WDR43: variants seen among roughly 807,000 people sequenced by gnomAD.
WDR43 encodes the protein WD repeat-containing protein 43.
In WDR43, 13 loss-of-function variants were observed where a neutral mutation model predicts 91.4. The ratio of observed to expected loss-of-function variants is 0.14; its 90% CI spans 0.09 to 0.23. WDR43 has a LOEUF of 0.23. WDR43 is among the 10% of genes least tolerant of loss of function. WDR43 has a pLI of 1.00. For missense variants in WDR43, 780 were observed against 809.4 expected, an observed-to-expected ratio of 0.96 and a Z score of 0.44; for synonymous variants, 331 against 287.9, an observed-to-expected ratio of 1.15 and a Z score of -1.51.
chr2:28,897,314 T>G (rs1255234302), intron 1 of WDR43, among the ~76,000 whole-genome samples: 3 of 152,184 alleles, frequency 2.0e-5, no homozygotes, highest in Non-Finnish European at 4.4e-5. Flanking sequence ...CATGTTAAGG[T>G]GCTCTCATCT....
At chr2:28,939,485 C>T (rs78111265) in intron 14 of WDR43, among the ~76,000 whole-genome samples, 1 of 152,268 alleles carries the variant, frequency 6.6e-6, no homozygotes, top group East Asian at 1.9e-4. Context: ...GCCCCTCAGC[C>T]CGTAGCAGTT....
intron 15 of WDR43, 104 bp from the exon 16 acceptor site, chr2:28,942,208 G>C: frequency 9.4e-7 from 1 of 1,068,564 alleles, no homozygotes; most frequent in Non-Finnish European, 1.4e-6. Context: ...GGTGGTGGAG[G>C]GTGAGTTAGC....
At chr2:28,905,042 T>C (rs1366151780) in intron 2 of WDR43, 1 of 152,154 alleles carries the variant, frequency 6.6e-6, no homozygotes, top group African/African-American at 2.4e-5. Context: ...ATTTGGACCT[T>C]CTGGGATAGG....
intron 16 of WDR43, among the ~76,000 whole-genome samples, chr2:28,943,933 A>G (rs1671493638): frequency 6.6e-6 from 1 of 152,272 alleles, no homozygotes; most frequent in South Asian, 2.1e-4. Context: ...AAAGTTGACA[A>G]TTTGCATATC....
chr2:28,925,796 T>A lies in WDR43; in HGVS notation c.1086+643T>A, dbSNP rs143908287. Among the ~76,000 whole-genome samples the A allele has an allele frequency of 1.4e-3, 211 of 152,224 alleles. 1 individual carries two copies. Among genetic ancestry groups the A allele is most frequent in the African/African-American group, 4.8e-3 (199 of 41,514 alleles). On this transcript the variant is annotated intron_variant, in intron 8 of 17. Transcript: ENST00000407426. ...CAAGCATACGTGCATATGGTTTAATTAAAAAAATAAAAAAAGGAGAAAAGT... is the reference window on the plus strand; with the variant it reads ...CAAGCATACGTGCATATGGTTTAATAAAAAAAATAAAAAAAGGAGAAAAGT...
intron 1 of WDR43, 110 bp downstream of exon 1, chr2:28,895,033 C>T: frequency 8.6e-7 from 1 of 1,164,174 alleles, no homozygotes; most frequent in Non-Finnish European, 1.1e-6. Context: ...GCGGCCCGGG[C>T]CAGAAGGCTT....
At chr2:28,941,209 G>A (rs554791162) in intron 14 of WDR43, among the ~76,000 whole-genome samples, 1 of 152,270 alleles carries the variant, frequency 6.6e-6, no homozygotes, top group South Asian at 2.1e-4. Context: ...GTGCCACCTT[G>A]CAGTTTCACT....
intron 7 of WDR43, 96 bp from the exon 8 acceptor site, chr2:28,924,886 A>T: frequency 6.9e-7 from 1 of 1,446,176 alleles, no homozygotes; most frequent in Non-Finnish European, 9.4e-7. Context: ...TAGAGGCTAG[A>T]GGGGGGTCAC....
chr2:28,937,257 C>T (rs1671352260), intron 13 of WDR43, among the ~76,000 whole-genome samples: 1 of 152,142 alleles, frequency 6.6e-6, no homozygotes, highest in African/African-American at 2.4e-5. Flanking sequence ...CTGATAGCTG[C>T]TTAAGACTCT....
chr2:28,922,813 T>TTTTTTGGTTGTG, intron 6 of WDR43, 106 bp from the exon 7 acceptor site: 1 of 483,364 alleles, frequency 2.1e-6, no homozygotes, highest in Non-Finnish European at 3.3e-6. Flanking sequence ...TTTTTTTTTT[T>TTTTTTGGTTGTG]TCTGGTTGTG....
chr2:28,930,301 C>T (rs1671216501), intron 11 of WDR43, among the ~76,000 whole-genome samples: 1 of 152,192 alleles, frequency 6.6e-6, no homozygotes. Context: ...GTTTGATTCT[C>T]TTAAATTCTA....
At chr2:28,917,849 A>T in intron 5 of WDR43, 44 bp from the exon 6 acceptor site, 1 of 1,529,006 alleles carries the variant, frequency 6.5e-7, no homozygotes, top group Non-Finnish European at 8.8e-7. Context: ...TAGGAAGAAA[A>T]TTAAATCTGT....
Position 28,942,876 on chromosome 2 carries a change from C to T in WDR43, c.1804+495C>T, listed in dbSNP as rs114916975. On this transcript the variant is annotated intron_variant, in intron 16 of 17. Transcript: ENST00000407426. ...AAGTGATCCCAATGTGCTTGGATTA[C>T]AGGTGTGAGCCACCATGCCTGGCCA... Among the ~76,000 whole-genome samples the T allele has an allele frequency of 5.9e-3, 893 of 152,164 alleles. 4 individuals are homozygous for T. Among genetic ancestry groups the T allele is most frequent in the Non-Finnish European group, 8.4e-3 (570 of 67,994 alleles).
intron 7 of WDR43, 129 bp from the exon 8 acceptor site, chr2:28,924,853 C>T (rs1671097880): frequency 9.6e-7 from 1 of 1,039,832 alleles, no homozygotes; most frequent in Non-Finnish European, 1.4e-6. Context: ...CTCCGGAGAC[C>T]CAGGTGACTC....
intron 2 of WDR43, among the ~76,000 whole-genome samples, 184 bp from the exon 3 acceptor site, chr2:28,906,275 GA>G (rs1354523438): frequency 6.6e-6 from 1 of 152,026 alleles, no homozygotes; most frequent in Non-Finnish European, 1.5e-5. Flanking sequence ...ATCACCAGTG[GA>G]ACCTTTTCAA....
intron 1 of WDR43, among the ~76,000 whole-genome samples, chr2:28,900,611 C>T (rs1670561182): frequency 6.6e-6 from 1 of 152,042 alleles, no homozygotes; most frequent in African/African-American, 2.4e-5. Flanking sequence ...TTATTTTTGC[C>T]CCTGGAATCA....
At chr2:28,905,663 CTCTT>C (rs1670664834) in intron 2 of WDR43, among the ~76,000 whole-genome samples, 1 of 129,180 alleles carries the variant, frequency 7.7e-6, no homozygotes. Context: ...CTCTCTTCTT[CTCTT>C]TTTTTTTTTT....
chr2:28,902,980 A>G (rs1325041693), intron 2 of WDR43, among the ~76,000 whole-genome samples: 2 of 152,242 alleles, frequency 1.3e-5, no homozygotes, highest in Admixed American at 6.5e-5. Context: ...GTAACTACAT[A>G]AAGTTGAAAA....
chr2:28,925,225 TAAC>T, intron 8 of WDR43, 72 bp downstream of exon 8: 3 of 1,322,082 alleles, frequency 2.3e-6, no homozygotes, highest in South Asian at 1.8e-5. Flanking sequence ...ATTTTAAAAA[TAAC>T]AACATTGGTC....
Sources: allele counts gnomAD v4.1 joint callset (sites outside exome capture counted in the v4.1 genomes callset), GRCh38; gene constraint gnomAD v4.1.1; transcripts MANE v1.5; gene names NCBI Gene and HGNC (gene_info 2026-07-23, HGNC 2026-07-21).